Variants in TOP6BL observed in about 807,000 individuals in gnomAD.
TOP6BL encodes type 2 DNA topoisomerase 6 subunit B-like.
chr11:66,842,054 C>T, the TOP6BL span, among the ~76,000 whole-genome samples: 1 of 151,892 alleles, frequency 6.6e-6, no homozygotes, highest in Non-Finnish European at 1.5e-5. Flanking sequence ...AAAAATTAGC[C>T]GGTGTGGTGG....
At chr11:66,825,592 C>T in the TOP6BL span, among the ~76,000 whole-genome samples, 2 of 152,220 alleles carry the variant, frequency 1.3e-5, no homozygotes, top group Admixed American at 6.5e-5. Flanking sequence ...GGGCCCTCAC[C>T]AGAACCTGAC....
chr11:66,795,302 CT>C, the TOP6BL span, among the ~76,000 whole-genome samples: 602 of 136,626 alleles, frequency 4.4e-3, 1 homozygote, highest in Non-Finnish European at 6.2e-3. Flanking sequence ...TTCTTTCCTT[CT>C]TTTTTTTTTT....
At chr11:66,773,875 T>A in the TOP6BL span, among the ~76,000 whole-genome samples, 1 of 152,100 alleles carries the variant, frequency 6.6e-6, no homozygotes, top group Non-Finnish European at 1.5e-5. Flanking sequence ...TAGCTGGGAT[T>A]ACAGGCCCCC....
At chr11:66,826,285 T>C in the TOP6BL span, among the ~76,000 whole-genome samples, 1 of 152,234 alleles carries the variant, frequency 6.6e-6, no homozygotes, top group Admixed American at 6.5e-5. Context: ...TATTTTCATA[T>C]ATAATTTGCC....
the TOP6BL span, among the ~76,000 whole-genome samples, chr11:66,840,680 G>A: frequency 6.6e-6 from 1 of 152,218 alleles, no homozygotes; most frequent in Non-Finnish European, 1.5e-5. Context: ...TGTGGCCTCT[G>A]AAACTTCTCT....
chr11:66,839,479 AG>A, the TOP6BL span, among the ~76,000 whole-genome samples: 2 of 152,224 alleles, frequency 1.3e-5, no homozygotes, highest in Non-Finnish European at 2.9e-5. Flanking sequence ...ATCTGGGTCA[AG>A]GGAAGCTGGG....
At chr11:66,837,823 T>G in the TOP6BL span, among the ~76,000 whole-genome samples, 1 of 152,192 alleles carries the variant, frequency 6.6e-6, no homozygotes, top group Admixed American at 6.5e-5. Context: ...AGGATTGGGT[T>G]CTGGTCTCAG....
the TOP6BL span, among the ~76,000 whole-genome samples, chr11:66,842,567 A>T: frequency 2.0e-5 from 3 of 152,160 alleles, no homozygotes; most frequent in South Asian, 4.1e-4. Context: ...CTCCAGGAAG[A>T]ATCTATACAG....
chr11:66,825,841 C>CTT, the TOP6BL span, among the ~76,000 whole-genome samples: 3 of 142,874 alleles, frequency 2.1e-5, no homozygotes, highest in East Asian at 2.0e-4. Context: ...ATATTTGTTG[C>CTT]TTTTTTTTTT....
the TOP6BL span, among the ~76,000 whole-genome samples, chr11:66,820,774 A>G: frequency 6.6e-6 from 1 of 152,214 alleles, no homozygotes; most frequent in Non-Finnish European, 1.5e-5. Context: ...TGTTTATAGT[A>G]CATGGTATAT....
At chr11:66,793,284 G>T in the TOP6BL span, among the ~76,000 whole-genome samples, 1 of 151,228 alleles carries the variant, frequency 6.6e-6, no homozygotes, top group South Asian at 2.1e-4. Context: ...GTAGAGATGG[G>T]GTTTCACCAT....
chr11:66,830,969 C>A, the TOP6BL span, among the ~76,000 whole-genome samples: 1 of 152,098 alleles, frequency 6.6e-6, no homozygotes, highest in Non-Finnish European at 1.5e-5. Flanking sequence ...TTTGAACACA[C>A]TTCACGAAAG....
At chr11:66,823,749 G>A in the TOP6BL span, among the ~76,000 whole-genome samples, 3 of 152,120 alleles carry the variant, frequency 2.0e-5, no homozygotes, top group African/African-American at 7.2e-5. Context: ...CCCGGGAGGT[G>A]GAGGTTGCAG....
At chr11:66,801,850 A>T in the TOP6BL span, among the ~76,000 whole-genome samples, 9 of 152,088 alleles carry the variant, frequency 5.9e-5, no homozygotes, top group East Asian at 1.9e-4. Flanking sequence ...AATAAATAAA[A>T]AATGTAAAAA....
chr11:66,751,498 A>ATTTTTT, the TOP6BL span, among the ~76,000 whole-genome samples: 1 of 135,878 alleles, frequency 7.4e-6, no homozygotes, highest in Admixed American at 7.4e-5. Context: ...TGGCTGACTA[A>ATTTTTT]TTTTTTTTTT....
chr11:66,821,864 C>T, the TOP6BL span: 1 of 1,338,552 alleles, frequency 7.5e-7, no homozygotes, highest in Non-Finnish European at 1.0e-6. Flanking sequence ...CCCTTAATGC[C>T]CCTTCCTCTC....
the TOP6BL span, among the ~76,000 whole-genome samples, chr11:66,821,378 C>T: frequency 6.6e-6 from 1 of 151,856 alleles, no homozygotes; most frequent in Admixed American, 6.6e-5. Flanking sequence ...AGCTCCGCCT[C>T]CCGGGTTCAC....
chr11:66,835,589 C>T, the TOP6BL span, among the ~76,000 whole-genome samples: 1 of 152,216 alleles, frequency 6.6e-6, no homozygotes, highest in South Asian at 2.1e-4. Context: ...CTCCCTTCAA[C>T]CCCTGGCAAC....
the TOP6BL span, among the ~76,000 whole-genome samples, chr11:66,794,830 T>TA: frequency 3.3e-5 from 5 of 152,086 alleles, no homozygotes; most frequent in Non-Finnish European, 5.9e-5. Flanking sequence ...TGAGCCTTTT[T>TA]AAAAAAATCT....
Sources: allele counts gnomAD v4.1 joint callset (sites outside exome capture counted in the v4.1 genomes callset), GRCh38; gene constraint gnomAD v4.1.1; transcripts MANE v1.5; gene names NCBI Gene and HGNC (gene_info 2026-07-23, HGNC 2026-07-21).